Variants in MDGA2 observed in about 807,000 individuals in gnomAD.
MDGA2 encodes MAM domain-containing glycosylphosphatidylinositol anchor protein 2.
In MDGA2, 40 loss-of-function variants were observed where a neutral mutation model predicts 117.8. That is an observed-to-expected ratio of 0.34 (90% CI 0.26 to 0.44). The LOEUF (loss-of-function observed/expected upper bound fraction) is 0.44, where lower values mean the gene tolerates loss of function less well. MDGA2 is among the 20% of genes least tolerant of loss of function. The pLI, the probability that MDGA2 is intolerant of heterozygous loss-of-function variation, is 1.00. For missense variants in MDGA2, 1,123 were observed against 1,250.6 expected, an observed-to-expected ratio of 0.90 and a Z score of 1.54; for synonymous variants, 452 against 439.0, an observed-to-expected ratio of 1.03 and a Z score of -0.37.
chr14:47,127,936 C>G (rs1881987365), intron 5 of MDGA2, among the ~76,000 whole-genome samples: 1 of 152,028 alleles, frequency 6.6e-6, no homozygotes, highest in Non-Finnish European at 1.5e-5. Context: ...ACAAAACACT[C>G]TGGCTGAGAT....
chr14:46,902,680 C>T (rs1014712228), intron 10 of MDGA2, among the ~76,000 whole-genome samples: 3 of 152,150 alleles, frequency 2.0e-5, no homozygotes, highest in Non-Finnish European at 4.4e-5. Flanking sequence ...GATTTGTCTA[C>T]TTTTATTGCT....
chr14:47,095,841 T>C (rs4900726), intron 6 of MDGA2, among the ~76,000 whole-genome samples: 41,344 of 151,912 alleles, frequency 0.27, 5,978 homozygotes, highest in East Asian at 0.36. Context: ...TGTTTATCTC[T>C]ATACATTTGA....
intron 8 of MDGA2, among the ~76,000 whole-genome samples, chr14:47,006,831 C>G (rs1159336094): frequency 6.6e-6 from 1 of 151,520 alleles, no homozygotes. Flanking sequence ...AAATAACCCC[C>G]TAGGTCTCTC....
At chr14:46,940,094 C>A (rs1199745198) in intron 9 of MDGA2, among the ~76,000 whole-genome samples, 1 of 152,146 alleles carries the variant, frequency 6.6e-6, no homozygotes, top group Non-Finnish European at 1.5e-5. Context: ...AGGGTCTCCA[C>A]TTTGCCTCTG....
intron 2 of MDGA2, among the ~76,000 whole-genome samples, chr14:47,243,545 G>C (rs1237225593): frequency 6.6e-6 from 1 of 151,322 alleles, no homozygotes; most frequent in Non-Finnish European, 1.5e-5. Flanking sequence ...TGAGCCCAGC[G>C]AGACCACGAG....
intron 1 of MDGA2, among the ~76,000 whole-genome samples, chr14:47,648,549 A>G (rs1436626132): frequency 6.6e-6 from 1 of 152,104 alleles, no homozygotes; most frequent in African/African-American, 2.4e-5. Context: ...ATAGAGGGCA[A>G]TAAGTGCTAA....
intron 1 of MDGA2, among the ~76,000 whole-genome samples, chr14:47,429,717 C>A (rs1278818847): frequency 6.6e-6 from 1 of 151,938 alleles, no homozygotes; most frequent in East Asian, 1.9e-4. Flanking sequence ...TTATTGAGTT[C>A]CTCAAAGTCC....
chr14:46,955,743 T>C (rs1394713631), intron 9 of MDGA2, among the ~76,000 whole-genome samples: 1 of 145,074 alleles, frequency 6.9e-6, no homozygotes, highest in Non-Finnish European at 1.5e-5. Flanking sequence ...GGTGTATAGG[T>C]AGATCAAGTG....
At chr14:46,917,945 T>G (rs1203027333) in intron 10 of MDGA2, among the ~76,000 whole-genome samples, 1 of 152,174 alleles carries the variant, frequency 6.6e-6, no homozygotes, top group Non-Finnish European at 1.5e-5. Context: ...TCATTTAAAT[T>G]TCGCTTATAG....
intron 1 of MDGA2, among the ~76,000 whole-genome samples, chr14:47,404,705 G>C (rs183118725): frequency 5.9e-5 from 9 of 152,026 alleles, no homozygotes; most frequent in African/African-American, 2.2e-4. Context: ...TGTTGCTCAG[G>C]TTGGTCTCAA....
At chr14:47,548,449 T>TCA (rs1895508280) in intron 1 of MDGA2, among the ~76,000 whole-genome samples, 1 of 152,150 alleles carries the variant, frequency 6.6e-6, no homozygotes, top group East Asian at 1.9e-4. Context: ...ATGACTAATT[T>TCA]TTTTGCTTAA....
chr14:47,034,638 C>A (rs1337422758), intron 8 of MDGA2, among the ~76,000 whole-genome samples: 2 of 151,550 alleles, frequency 1.3e-5, no homozygotes, highest in African/African-American at 4.9e-5. Flanking sequence ...TGTATTACAA[C>A]CTGAATTAGC....
rs529971041 is a variant in MDGA2 at position 47,479,681 on chromosome 14, T to C, written c.281-178131A>G. Among the ~76,000 whole-genome samples the C allele has an allele frequency of 5.3e-5, 8 of 152,282 alleles. No homozygotes were observed. The East Asian group carries it at 1.4e-3, about 26-fold the overall frequency. ...AGGCACTTAGTGACCTACACATTTA[T>C]TGATTACTTTTGGTGAAATGTTTTT... On this transcript the variant is annotated intron_variant, in intron 1 of 16. Transcript: ENST00000399232.
intron 1 of MDGA2, among the ~76,000 whole-genome samples, chr14:47,348,139 G>GTC (rs112844787): frequency 0.51 from 73,102 of 144,358 alleles, 18,068 homozygotes; most frequent in Admixed American, 0.62. Context: ...ATTGTGCTCT[G>GTC]TCTCTCTCTC....
At chr14:47,491,368 C>T (rs1474155647) in intron 1 of MDGA2, among the ~76,000 whole-genome samples, 1 of 152,046 alleles carries the variant, frequency 6.6e-6, no homozygotes, top group Non-Finnish European at 1.5e-5. Flanking sequence ...AAACCACAAA[C>T]ATTTTAAAGA....
At chr14:47,096,709 CCCA>C in intron 6 of MDGA2, 142 bp downstream of exon 6, 2 of 812,510 alleles carry the variant, frequency 2.5e-6, no homozygotes. Context: ...CTTATAATTA[CCCA>C]CCATTATTAT....
At chr14:47,307,493 TAACATGGTGA>T (rs1566731480) in intron 1 of MDGA2, among the ~76,000 whole-genome samples, 1 of 151,980 alleles carries the variant, frequency 6.6e-6, no homozygotes, top group Non-Finnish European at 1.5e-5. Flanking sequence ...CCAGCCTGGC[TAACATGGTGA>T]AACCCAGTCT....
At chr14:47,152,273 G>A (rs1037146700) in intron 3 of MDGA2, among the ~76,000 whole-genome samples, 12 of 152,104 alleles carry the variant, frequency 7.9e-5, no homozygotes, top group East Asian at 3.9e-4. Context: ...ATACCTATAA[G>A]AATTATCTAC....
chr14:46,929,402 C>T (rs1214953214), intron 9 of MDGA2, among the ~76,000 whole-genome samples: 1 of 150,992 alleles, frequency 6.6e-6, no homozygotes, highest in East Asian at 2.0e-4. Flanking sequence ...TAGGAAGTTA[C>T]ATCTGATAGA....
Sources: allele counts gnomAD v4.1 joint callset (sites outside exome capture counted in the v4.1 genomes callset), GRCh38; gene constraint gnomAD v4.1.1; transcripts MANE v1.5; gene names NCBI Gene and HGNC (gene_info 2026-07-23, HGNC 2026-07-21).